Variants in CSMD3 observed in about 807,000 individuals in gnomAD.
The protein encoded by CSMD3 is CUB and sushi domain-containing protein 3.
Under a neutral mutation model 435.2 loss-of-function variants are expected in CSMD3, and 177 were observed. The observed-to-expected ratio is 0.41, with a 90% CI of 0.36 to 0.46. The LOEUF (loss-of-function observed/expected upper bound fraction) is 0.46. Ranked by LOEUF, CSMD3 falls within the 20% of genes least tolerant of loss-of-function variation. CSMD3 has a pLI of 0.34. For synonymous variants in CSMD3, 1,656 were observed against 1,520.5 expected (o/e 1.09, Z -2.07); for missense variants, 4,265 against 4,504.6 (o/e 0.95, Z 1.52).
At chr8:112,277,764 C>T (rs1051227580) in intron 59 of CSMD3, among the ~76,000 whole-genome samples, 1 of 152,130 alleles carries the variant, frequency 6.6e-6, no homozygotes, top group African/African-American at 2.4e-5. Context: ...GAGAAAGGCA[C>T]ATCTTACATG....
intron 59 of CSMD3, among the ~76,000 whole-genome samples, chr8:112,269,938 C>G (rs1817309282): frequency 6.6e-6 from 1 of 152,080 alleles, no homozygotes; most frequent in African/African-American, 2.4e-5. Context: ...TTTTACCCAC[C>G]CAGGAGGCAA....
chr8:112,326,514 A>G (rs962766126), intron 45 of CSMD3, among the ~76,000 whole-genome samples: 1 of 152,152 alleles, frequency 6.6e-6, no homozygotes, highest in Non-Finnish European at 1.5e-5. Context: ...AGTGCTTAGA[A>G]TAAGGCCTGA....
intron 13 of CSMD3, among the ~76,000 whole-genome samples, chr8:112,692,988 T>A (rs2076171809): frequency 6.6e-6 from 1 of 151,738 alleles, no homozygotes; most frequent in African/African-American, 2.4e-5. Flanking sequence ...GAAAATAACA[T>A]AGCCTGTATA....
At chr8:112,376,114 T>C (rs1828915957) in intron 38 of CSMD3, among the ~76,000 whole-genome samples, 1 of 152,176 alleles carries the variant, frequency 6.6e-6, no homozygotes, top group Non-Finnish European at 1.5e-5. Context: ...AAGTATTCCC[T>C]GAATTTCCTA....
chr8:112,896,380 T>C (rs993465400), intron 10 of CSMD3, among the ~76,000 whole-genome samples: 3 of 151,460 alleles, frequency 2.0e-5, no homozygotes, highest in African/African-American at 7.3e-5. Flanking sequence ...TGCCCAGCCT[T>C]GACCAAATCA....
chr8:112,335,261 A>G (rs2130945587), intron 45 of CSMD3, 68 bp downstream of exon 45: 4 of 1,412,724 alleles, frequency 2.8e-6, no homozygotes, highest in Non-Finnish European at 4.0e-6. Flanking sequence ...AATATATATT[A>G]CATTCACTTT....
intron 3 of CSMD3, among the ~76,000 whole-genome samples, chr8:113,203,081 A>C (rs1156361641): frequency 1.3e-5 from 2 of 152,072 alleles, no homozygotes; most frequent in East Asian, 3.9e-4. Flanking sequence ...GTACTTAACA[A>C]TAATACAGTA....
At chr8:112,543,424 G>T (rs1384859280) in intron 27 of CSMD3, among the ~76,000 whole-genome samples, 1 of 152,068 alleles carries the variant, frequency 6.6e-6, no homozygotes, top group Non-Finnish European at 1.5e-5. Context: ...ACAGTCAAAG[G>T]TCTTGAATAG....
chr8:112,346,222 T>C lies in CSMD3; in HGVS notation c.6326-9A>G, dbSNP rs1825653140. 2.0e-6 allele frequency: 3 copies of C among 1,523,760 alleles called. No individual in the cohort carries two copies. Among genetic ancestry groups the C allele is most frequent in the Non-Finnish European group, 2.7e-6 (3 of 1,097,568 alleles). The allele number at this position is 1,523,760 out of a possible 1,614,324, so 94.4% of individuals were successfully genotyped here. On this transcript the variant is annotated splice_polypyrimidine_tract_variant and intron_variant, in intron 40 of 70. Transcript: ENST00000297405. ...AGCACCACCACACTGAGCTGCAAAA[T>C]AACAGAAATCCAAAGTAAACCAGAG...
At chr8:113,075,743 C>A (rs554533453) in intron 5 of CSMD3, among the ~76,000 whole-genome samples, 34 of 151,794 alleles carry the variant, frequency 2.2e-4, no homozygotes, top group African/African-American at 8.2e-4. Flanking sequence ...TATTAGAACA[C>A]TTCAGACTGA....
chr8:112,450,800 T>C (rs1266865471), intron 32 of CSMD3, among the ~76,000 whole-genome samples: 1 of 152,214 alleles, frequency 6.6e-6, no homozygotes, highest in Non-Finnish European at 1.5e-5. Flanking sequence ...TCTTACACTT[T>C]CTTGAGATTG....
rs145139012 is a variant in CSMD3, at chr8:113,114,730, G to T, written c.710-15767C>A. On this transcript the variant is annotated intron_variant, in intron 4 of 70. Coordinates refer to ENST00000297405, the MANE Select transcript of CSMD3 (RefSeq NM_198123.2). ...AAGTAGGAATTTTAGGGTTGGAGAT[G>T]AATTATAGGTATTTTTAAATGTTCT... 9.9e-5 allele frequency among the ~76,000 whole-genome samples: 15 copies of T among 152,244 alleles called. No individual in the cohort carries two copies. In the East Asian group the frequency reaches 2.7e-3, roughly 27 times the overall value.
At chr8:112,857,711 T>C (rs1403030507) in intron 11 of CSMD3, among the ~76,000 whole-genome samples, 1 of 149,622 alleles carries the variant, frequency 6.7e-6, no homozygotes, top group East Asian at 1.9e-4. Flanking sequence ...AATAAAAGTA[T>C]CTCCCTCATG....
At chr8:112,994,260 G>A (rs971192552) in intron 6 of CSMD3, among the ~76,000 whole-genome samples, 4 of 151,744 alleles carry the variant, frequency 2.6e-5, no homozygotes, top group Non-Finnish European at 5.9e-5. Flanking sequence ...CCTAAGTGAA[G>A]TAATGTTCTG....
intron 3 of CSMD3, among the ~76,000 whole-genome samples, chr8:113,272,353 T>TATTGTGGGAGGGAC (rs2093535045): frequency 6.6e-6 from 1 of 152,192 alleles, no homozygotes; most frequent in Admixed American, 6.5e-5. Context: ...AATTCCCATG[T>TATTGTGGGAGGGAC]ATTGTGGGAG....
chr8:112,438,511 T>G (rs1814628042), intron 32 of CSMD3, among the ~76,000 whole-genome samples: 1 of 152,192 alleles, frequency 6.6e-6, no homozygotes, highest in African/African-American at 2.4e-5. Flanking sequence ...TAACAAAATT[T>G]TCTGACTTTG....
In CSMD3 at chr8:113,383,083, T is replaced by G. The variant is rs537471179; in HGVS notation, c.178+53594A>C. On this transcript the variant is annotated intron_variant, in intron 1 of 70. Transcript: ENST00000297405. ...GGAAATGAGAAAATCTGTTAAAGCA[T>G]GGGTTAAGATGAGGAGGAGGAATGG... is the stretch of plus-strand genomic sequence containing the variant. 1.1e-4 allele frequency among the ~76,000 whole-genome samples: 16 copies of G among 152,134 alleles called. No individual in the cohort carries two copies. The South Asian group carries it at 3.3e-3, about 32-fold the overall frequency.
At chr8:113,355,384 C>CAA (rs1191016733) in intron 1 of CSMD3, among the ~76,000 whole-genome samples, 1 of 152,134 alleles carries the variant, frequency 6.6e-6, no homozygotes, top group Admixed American at 6.6e-5. Context: ...GGTTTACTCT[C>CAA]ACAGTTCTGA....
chr8:113,179,068 T>C (rs924247549), intron 3 of CSMD3, among the ~76,000 whole-genome samples: 1 of 151,834 alleles, frequency 6.6e-6, no homozygotes, highest in East Asian at 1.9e-4. Context: ...ACTAATTTAA[T>C]ACTAATTCAA....
Sources: allele counts gnomAD v4.1 joint callset (sites outside exome capture counted in the v4.1 genomes callset), GRCh38; gene constraint gnomAD v4.1.1; transcripts MANE v1.5; gene names NCBI Gene and HGNC (gene_info 2026-07-23, HGNC 2026-07-21).